CA12: variants seen among roughly 807,000 people sequenced by gnomAD.
The protein encoded by CA12 is carbonic anhydrase 12.
In CA12, 36 loss-of-function variants were observed where a neutral mutation model predicts 46.8. That is an observed-to-expected ratio of 0.77 (90% CI 0.59 to 1.02). The LOEUF (loss-of-function observed/expected upper bound fraction) is 1.02. Ranked by LOEUF, CA12 falls within the 50% of genes least tolerant of loss-of-function variation. The probability of loss-of-function intolerance (pLI) is 0.00; values close to 1 mark genes in which losing one functional copy is unlikely to be tolerated. For missense variants in CA12, 436 were observed against 451.4 expected, an observed-to-expected ratio of 0.97 and a Z score of 0.31; for synonymous variants, 202 against 187.0, an observed-to-expected ratio of 1.08 and a Z score of -0.65.
rs1426352667 is a variant in CA12 at position 63,328,367 on chromosome 15, C to T, written c.875-237G>A. 4.1e-5 allele frequency among the ~76,000 whole-genome samples: 6 copies of T among 145,966 alleles called. No individual in the cohort carries two copies. The highest frequency in any genetic ancestry group is 1.0e-4 in the African/African-American group (4 of 39,320). On this transcript the variant is annotated intron_variant, in intron 8 of 10. Transcript: ENST00000178638. This position sits in a 1 kb window ranked among gnomAD's most constrained non-coding sequence, Gnocchi z 5.9. Reference sequence around the variant, plus strand: ...TTTTTTTTTTTTTGAGATGGAATCTCGCTCTGCCGCCCAGGCTGGAATGCA... The same window carrying T: ...TTTTTTTTTTTTTGAGATGGAATCTTGCTCTGCCGCCCAGGCTGGAATGCA...
At position 63,340,376 on chromosome 15, in the gene CA12, C is replaced by G. The variant is rs747422711; in HGVS notation, c.659G>C (p.Arg220Pro). Reference sequence around the variant, plus strand: ...GGGTGTGGTCAGGGACCCCCGGTAGCGGTAATATTCAGCGGTCCTCTCCGG... The same window carrying G: ...GGGTGTGGTCAGGGACCCCCGGTAGGGGTAATATTCAGCGGTCCTCTCCGG... ...LLPERTAEYY[R>P]YRGSLTTPPC... The change falls in exon 7 of 11, where the codon CGC (arginine) becomes CCC (proline). Residue 220 changes from arginine (R) to proline (P), a missense_variant. Arg to Pro is a moderately radical substitution (Grantham distance 103, BLOSUM62 -2). Transcript: ENST00000178638. The surrounding 1 kb of genome is among the most constrained non-coding windows in gnomAD (Gnocchi z 4.4). 1 of 1,613,950 alleles carries G rather than the reference C, an allele frequency of 6.2e-7. No homozygotes were observed. Among genetic ancestry groups the G allele is most frequent in the East Asian group, 2.2e-5 (1 of 44,898 alleles).
chr15:63,350,471 A>G (rs1245843943), intron 2 of CA12, among the ~76,000 whole-genome samples: 1 of 152,130 alleles, frequency 6.6e-6, no homozygotes, highest in Non-Finnish European at 1.5e-5. Flanking sequence ...CTGAGTTTTG[A>G]CTTCGCCTCT....
intron 8 of CA12, among the ~76,000 whole-genome samples, chr15:63,336,091 C>T (rs1200960102): frequency 2.0e-5 from 3 of 152,220 alleles, no homozygotes; most frequent in African/African-American, 7.2e-5. Context: ...CTGGTCCCAA[C>T]CTGGGCTTGT....
Position 63,327,055 on chromosome 15 carries a change from G to T in CA12, c.992+94C>A. ...AGGGTAAGTGGTGGTCCAGGTGACT[G>T]CGGCTCTTCATGCCACAAAGCTGCC... On this transcript the variant is annotated intron_variant, in intron 10 of 10. Coordinates refer to ENST00000178638, the MANE Select transcript of CA12 (RefSeq NM_001218.5). This position sits in a 1 kb window ranked among gnomAD's most constrained non-coding sequence, Gnocchi z 4.5. The T allele has an allele frequency of 8.9e-7, 1 of 1,128,928 alleles. No individual in the cohort carries two copies. The highest frequency in any genetic ancestry group is 1.3e-6 in the Non-Finnish European group (1 of 749,104). The allele number at this position is 1,128,928 out of a possible 1,614,324, so 69.9% of individuals were successfully genotyped here.
In CA12 at chr15:63,338,793, C is replaced by T. The variant is rs569177919; in HGVS notation, c.874+26G>A. ...TCTTGGCACCACACTCCCGCACCCC[C>T]TCCCCCCAGCACTGCCTCTCCTCAC... On this transcript the variant is annotated intron_variant, in intron 8 of 10. Coordinates refer to ENST00000178638, the MANE Select transcript of CA12 (RefSeq NM_001218.5). 3.1e-6 allele frequency: 5 copies of T among 1,613,410 alleles called. No individual in the cohort carries two copies. In the East Asian group the frequency reaches 8.9e-5, roughly 29 times the overall value.
chr15:63,335,348 G>A (rs2038987801), intron 8 of CA12, among the ~76,000 whole-genome samples: 1 of 152,118 alleles, frequency 6.6e-6, no homozygotes, highest in South Asian at 2.1e-4. Context: ...CACAGTTGAG[G>A]AAAATAGCAG....
chr15:63,361,231 G>C (rs920839602), intron 2 of CA12, among the ~76,000 whole-genome samples: 4 of 152,256 alleles, frequency 2.6e-5, no homozygotes, highest in African/African-American at 9.6e-5. Flanking sequence ...GCTGCTTCGA[G>C]GTGAGATGCT....
chr15:63,376,193 C>T (rs1172784330), intron 1 of CA12, among the ~76,000 whole-genome samples: 1 of 152,196 alleles, frequency 6.6e-6, no homozygotes, highest in African/African-American at 2.4e-5. Flanking sequence ...GCAGTTGGTT[C>T]ATGCAGAGGC....
chr15:63,338,998 C>A (rs1037962584), intron 7 of CA12, 53 bp from the exon 8 acceptor site: 7 of 1,610,846 alleles, frequency 4.3e-6, no homozygotes, highest in South Asian at 2.2e-5. Context: ...CTCACCTGAT[C>A]CCCTGGGAAG....
At chr15:63,347,967 G>T (rs1438957703) in intron 2 of CA12, among the ~76,000 whole-genome samples, 3 of 152,126 alleles carry the variant, frequency 2.0e-5, no homozygotes, top group Non-Finnish European at 4.4e-5. Context: ...TGTTATATTG[G>T]CCCCACAGAA....
At chr15:63,347,836 G>C (rs1326788367) in intron 2 of CA12, among the ~76,000 whole-genome samples, 2 of 152,212 alleles carry the variant, frequency 1.3e-5, no homozygotes, top group East Asian at 3.9e-4. Context: ...TTGCCATCTG[G>C]GGGTCCGTTC....
rs2038865395 is a variant in CA12 at position 63,326,284 on chromosome 15, C to T, written c.*1G>A. On this transcript the variant is annotated 3_prime_UTR_variant, in exon 11 of 11. Transcript: ENST00000178638. Reference sequence around the variant, plus strand: ...GGATGTGCCCGGGAGCTCCGGGGACCTCAAGCGTGGGCCTCAGTCTCCATC... The same window carrying T: ...GGATGTGCCCGGGAGCTCCGGGGACTTCAAGCGTGGGCCTCAGTCTCCATC... 1.9e-6 allele frequency: 3 copies of T among 1,613,684 alleles called. No individual in the cohort carries two copies. Among genetic ancestry groups the T allele is most frequent in the Non-Finnish European group, 2.5e-6 (3 of 1,179,686 alleles).
At chr15:63,369,284 A>T (rs1036966678) in intron 2 of CA12, among the ~76,000 whole-genome samples, 4 of 152,242 alleles carry the variant, frequency 2.6e-5, no homozygotes, top group African/African-American at 9.6e-5. Context: ...TAACAAAAAT[A>T]GAGCTCTCAT....
chr15:63,328,078 C>T lies in CA12; in HGVS notation c.907+20G>A. On this transcript the variant is annotated intron_variant, in intron 9 of 10. Transcript: ENST00000178638. The surrounding 1 kb of genome is among the most constrained non-coding windows in gnomAD (Gnocchi z 5.9). ...GATCACCCAGCTGCAGCATGCACGGCTGGCTGCCCAGCCACATACCCAGAC... is the reference window on the plus strand; with the variant it reads ...GATCACCCAGCTGCAGCATGCACGGTTGGCTGCCCAGCCACATACCCAGAC... 1 of 1,612,678 alleles carries T rather than the reference C, an allele frequency of 6.2e-7. No homozygotes were observed. Among genetic ancestry groups the T allele is most frequent in the Non-Finnish European group, 8.5e-7 (1 of 1,178,780 alleles).
chr15:63,376,732 T>A lies in CA12; in HGVS notation c.86-1054A>T, dbSNP rs142542305. Among the ~76,000 whole-genome samples the A allele has an allele frequency of 5.7e-4, 87 of 152,020 alleles. 1 individual carries two copies. In the East Asian group the frequency reaches 0.014, roughly 24 times the overall value. On this transcript the variant is annotated intron_variant, in intron 1 of 10. Coordinates refer to ENST00000178638, the MANE Select transcript of CA12 (RefSeq NM_001218.5). The stretch of plus-strand genomic sequence containing the variant: ...ATCGCAGCTCACTGCAGCCTCAACC[T>A]CCTGGGCTCAAGCAATCCTCCCACC...
Position 63,328,146 on chromosome 15 carries a change from G to C in CA12, c.875-16C>G. On this transcript the variant is annotated splice_polypyrimidine_tract_variant and intron_variant, in intron 8 of 10. Transcript: ENST00000178638. The surrounding 1 kb of genome is among the most constrained non-coding windows in gnomAD (Gnocchi z 5.9). ...CAGACTTGCACTTAAAAGGGGAGAG[G>C]AAAAGACGAGGTTACTCTAGAGTCA... 2 of 1,613,004 alleles carry C rather than the reference G, an allele frequency of 1.2e-6. No individual in the cohort carries two copies. Among genetic ancestry groups the C allele is most frequent in the Non-Finnish European group, 1.7e-6 (2 of 1,179,070 alleles).
intron 2 of CA12, among the ~76,000 whole-genome samples, chr15:63,371,107 T>C (rs550836335): frequency 6.6e-6 from 1 of 152,326 alleles, no homozygotes; most frequent in East Asian, 1.9e-4. Flanking sequence ...TCCTTTCATG[T>C]GTTCCATTTC....
chr15:63,339,016 C>A lies in CA12; in HGVS notation c.748-71G>T. ...ACCTGATCCCCTGGGAAGAGGCTAG[C>A]TCTCCGCTCTTGCACCTGGGAGAAG... On this transcript the variant is annotated intron_variant, in intron 7 of 10. Coordinates refer to ENST00000178638, the MANE Select transcript of CA12 (RefSeq NM_001218.5). The surrounding 1 kb of genome is among the most constrained non-coding windows in gnomAD (Gnocchi z 4.3). 3 of 1,589,092 alleles carry A rather than the reference C, an allele frequency of 1.9e-6. No individual in the cohort carries two copies. The highest frequency in any genetic ancestry group is 1.7e-6 in the Non-Finnish European group (2 of 1,163,790).
rs1226302842 is a variant in CA12, at chr15:63,375,689, C to A, written c.86-11G>T. ...AAGTCCACTTGGAACCTACAAAGAACAAAACACAGTAAGTAAGTACAATGG... is the reference window on the plus strand; with the variant it reads ...AAGTCCACTTGGAACCTACAAAGAAAAAAACACAGTAAGTAAGTACAATGG... On this transcript the variant is annotated splice_polypyrimidine_tract_variant and intron_variant, in intron 1 of 10. Coordinates refer to ENST00000178638, the MANE Select transcript of CA12 (RefSeq NM_001218.5). The A allele has an allele frequency of 6.3e-7, 1 of 1,578,386 alleles. No individual in the cohort carries two copies. The highest frequency in any genetic ancestry group is 8.7e-7 in the Non-Finnish European group (1 of 1,149,774).
Sources: allele counts gnomAD v4.1 joint callset (sites outside exome capture counted in the v4.1 genomes callset), GRCh38; gene constraint gnomAD v4.1.1; non-coding constraint Gnocchi (gnomAD v3.1); transcripts MANE v1.5; gene names NCBI Gene and HGNC (gene_info 2026-07-23, HGNC 2026-07-21).